Variants in TMEM242 observed in about 807,000 individuals in gnomAD.
TMEM242 encodes UPF0463 transmembrane protein C6orf35.
TMEM242 carries 10 observed loss-of-function variants against 18.2 expected under a neutral mutation model. That is an observed-to-expected ratio of 0.55 (90% confidence interval 0.34 to 0.93). The LOEUF is 0.93. Ranked by LOEUF, TMEM242 falls within the 40% of genes least tolerant of loss-of-function variation. The probability of loss-of-function intolerance (pLI) is 0.02; values close to 1 mark genes in which losing one functional copy is unlikely to be tolerated. For missense variants in TMEM242, 186 were observed against 175.5 expected (o/e 1.06, Z -0.34); for synonymous variants, 57 against 69.9 (o/e 0.81, Z 0.92).
intron 3 of TMEM242, among the ~76,000 whole-genome samples, chr6:157,303,653 T>TA (rs1554247680): frequency 6.6e-6 from 1 of 152,188 alleles, no homozygotes; most frequent in African/African-American, 2.4e-5. Flanking sequence ...GGGAAAGGGA[T>TA]AAAATGAAAG....
At chr6:157,300,285 C>T (rs1360909379) in intron 3 of TMEM242, among the ~76,000 whole-genome samples, 1 of 152,262 alleles carries the variant, frequency 6.6e-6, no homozygotes, top group Non-Finnish European at 1.5e-5. Flanking sequence ...GCCTTGCCAG[C>T]GCCTTCAACA....
At position 157,292,175 on chromosome 6, in the gene TMEM242, T is replaced by C. The variant is rs1777692864; in HGVS notation, c.*726A>G. 6.6e-6 allele frequency: 1 copy of C among 152,222 alleles called. No individual in the cohort carries two copies. The allele number at this position is 152,222 out of a possible 1,614,324, so 9.4% of individuals were successfully genotyped here. A position where few individuals can be genotyped will look rare whatever the true frequency, so the allele number is the denominator to read the frequency against. ...CTGAGACAAAATGACAAATTGTCAG[T>C]GTTCAGAGATCCAGACCAACTTCTC... On this transcript the variant is annotated 3_prime_UTR_variant, in exon 4 of 4. Transcript: ENST00000400788.
In TMEM242 at chr6:157,292,344, A is replaced by T. The variant is rs142038437; in HGVS notation, c.*557T>A. On this transcript the variant is annotated 3_prime_UTR_variant, in exon 4 of 4. Coordinates refer to ENST00000400788, the MANE Select transcript of TMEM242 (RefSeq NM_018452.6). ...CAAGGGCATCAGGTAAATAACTAGCATGTGTGTGATGGCTGTAAAGCACAG... is the reference window on the plus strand; with the variant it reads ...CAAGGGCATCAGGTAAATAACTAGCTTGTGTGTGATGGCTGTAAAGCACAG... 6.6e-6 allele frequency: 1 copy of T among 152,360 alleles called. No homozygotes were observed. The highest frequency in any genetic ancestry group is 1.9e-4 in the East Asian group (1 of 5,180). The allele number at this position is 152,360 out of a possible 1,614,324, so 9.4% of individuals were successfully genotyped here.
intron 3 of TMEM242, among the ~76,000 whole-genome samples, chr6:157,297,221 A>G (rs587749383): frequency 2.0e-5 from 3 of 152,208 alleles, no homozygotes. Context: ...ATGGCTGGTA[A>G]GAGCAAATCT....
At chr6:157,311,168 G>C (rs1397906037) in intron 3 of TMEM242, among the ~76,000 whole-genome samples, 4 of 79,486 alleles carry the variant, frequency 5.0e-5, no homozygotes, top group Admixed American at 1.3e-4. Context: ...CCCCATCATA[G>C]TGTCCGAATG....
intron 3 of TMEM242, among the ~76,000 whole-genome samples, chr6:157,309,988 A>C (rs1371485013): frequency 6.6e-6 from 1 of 152,100 alleles, no homozygotes; most frequent in Non-Finnish European, 1.5e-5. Context: ...CCTCCCCACA[A>C]ACATAGAGCA....
At chr6:157,303,578 T>C (rs1777860892) in intron 3 of TMEM242, among the ~76,000 whole-genome samples, 1 of 152,198 alleles carries the variant, frequency 6.6e-6, no homozygotes, top group Non-Finnish European at 1.5e-5. Context: ...TTTAAAGTTA[T>C]TTAAAATGTT....
intron 3 of TMEM242, chr6:157,318,422 T>C: frequency 3.7e-6 from 1 of 267,252 alleles, no homozygotes; most frequent in Admixed American, 5.3e-5. Flanking sequence ...AGGGTTTCTT[T>C]ACATTGCCCA....
chr6:157,293,847 C>T (rs1777715590), intron 3 of TMEM242, among the ~76,000 whole-genome samples: 2 of 152,038 alleles, frequency 1.3e-5, no homozygotes, highest in African/African-American at 4.8e-5. Flanking sequence ...ATCATCCCAC[C>T]TCAGCACCCC....
Position 157,292,760 on chromosome 6 carries a change from T to A in TMEM242, c.*141A>T. On this transcript the variant is annotated 3_prime_UTR_variant, in exon 4 of 4. Transcript: ENST00000400788. Reference sequence around the variant, plus strand: ...CACACATACTCTCCTGTGATGAGGCTGAATGCTATCCAGTGCACTGGTTCA... The same window carrying A: ...CACACATACTCTCCTGTGATGAGGCAGAATGCTATCCAGTGCACTGGTTCA... 1.5e-6 allele frequency: 1 copy of A among 645,490 alleles called. No individual in the cohort carries two copies. The allele number at this position is 645,490 out of a possible 1,614,324, so 40.0% of individuals were successfully genotyped here. A position where few individuals can be genotyped will look rare whatever the true frequency, so the allele number is the denominator to read the frequency against.
rs782781077 is a variant in TMEM242 at position 157,292,905 on chromosome 6, T to C, written c.422A>G (p.Lys141Arg). Residue 141 changes from lysine (K) to arginine (R), a missense_variant, in exon 4 of 4, where the codon AAA becomes AGA. Physicochemically the swap from Lys to Arg is conservative, Grantham distance 26 (BLOSUM62 2). Transcript: ENST00000400788. ...TGAAATTCATCCATGCTCATCTCAT[T>C]TGGATTTCAATGTTTCCTCCCACTC... ...AVEWEETLKS[K>R] is the part of the protein sequence containing the mutation. The C allele has an allele frequency of 1.2e-6, 2 of 1,611,350 alleles. No homozygotes were observed. The highest frequency in any genetic ancestry group is 1.7e-6 in the Non-Finnish European group (2 of 1,177,550).
intron 2 of TMEM242, among the ~76,000 whole-genome samples, chr6:157,322,283 A>G (rs1778508534): frequency 6.6e-6 from 1 of 152,136 alleles, no homozygotes; most frequent in African/African-American, 2.4e-5. Flanking sequence ...GGAGTGCCAC[A>G]CCACACCTGG....
intron 3 of TMEM242, among the ~76,000 whole-genome samples, chr6:157,317,737 T>C (rs1386016158): frequency 1.3e-5 from 2 of 152,158 alleles, no homozygotes; most frequent in East Asian, 3.8e-4. Context: ...AATACCTCCT[T>C]TTCTCACACT....
chr6:157,289,417 G>GA lies in TMEM242; in HGVS notation c.*3483dup, dbSNP rs1777654635. The GA allele has an allele frequency of 6.6e-6, 1 of 152,196 alleles. No individual in the cohort carries two copies. Among genetic ancestry groups the GA allele is most frequent in the Admixed American group, 6.5e-5 (1 of 15,300 alleles). 9.4% of individuals were successfully genotyped at this position (152,196 alleles called of 1,614,324 possible). On this transcript the variant is annotated 3_prime_UTR_variant, in exon 4 of 4. Transcript: ENST00000400788. Reference sequence around the variant, plus strand: ...CTATATCATTTAATGACTCTTGGCAGAAAGCAAAAACACTTCACTTGAACA... The same window carrying GA: ...CTATATCATTTAATGACTCTTGGCAGAAAAGCAAAAACACTTCACTTGAACA...
At chr6:157,308,228 G>T (rs587644708) in intron 3 of TMEM242, among the ~76,000 whole-genome samples, 5 of 152,134 alleles carry the variant, frequency 3.3e-5, no homozygotes, top group Non-Finnish European at 7.3e-5. Flanking sequence ...GAGGTGAATA[G>T]GTAAAAATAA....
intron 3 of TMEM242, among the ~76,000 whole-genome samples, chr6:157,317,024 T>C (rs1443632151): frequency 2.0e-5 from 3 of 152,264 alleles, no homozygotes; most frequent in Admixed American, 1.3e-4. Flanking sequence ...ATAATGTCTA[T>C]GAGGTTGTTC....
chr6:157,313,346 G>C (rs1554249716), intron 3 of TMEM242, among the ~76,000 whole-genome samples: 4 of 149,912 alleles, frequency 2.7e-5, no homozygotes, highest in Non-Finnish European at 4.4e-5. Flanking sequence ...TAGTGCCCCA[G>C]TGTGCGCTCA....
In TMEM242 at chr6:157,289,473, T is replaced by C. The variant is rs1355220092; in HGVS notation, c.*3428A>G. 1.3e-5 allele frequency: 2 copies of C among 152,240 alleles called. No individual in the cohort carries two copies. The highest frequency in any genetic ancestry group is 4.8e-5 in the African/African-American group (2 of 41,468). 9.4% of individuals were successfully genotyped at this position (152,240 alleles called of 1,614,324 possible). A position where few individuals can be genotyped will look rare whatever the true frequency, so the allele number is the denominator to read the frequency against. On this transcript the variant is annotated 3_prime_UTR_variant, in exon 4 of 4. Transcript: ENST00000400788. ...TTATAAAAATATGTATTTTACTAAC[T>C]TTCATAGGAAATTTAACTATTTGAT...
In TMEM242 at chr6:157,289,720, T is replaced by C. The variant is rs1438804240; in HGVS notation, c.*3181A>G. 6.7e-6 allele frequency: 1 copy of C among 148,592 alleles called. No homozygotes were observed. The highest frequency in any genetic ancestry group is 6.7e-5 in the Admixed American group (1 of 14,904). The allele number at this position is 148,592 out of a possible 1,614,324, so 9.2% of individuals were successfully genotyped here. Reference sequence around the variant, plus strand: ...CCCACCCCCACCTTAATTTCTTCTATTTTCCCCTTAGATTGCAATGATTAA... The same window carrying C: ...CCCACCCCCACCTTAATTTCTTCTACTTTCCCCTTAGATTGCAATGATTAA... On this transcript the variant is annotated 3_prime_UTR_variant, in exon 4 of 4. Coordinates refer to ENST00000400788, the MANE Select transcript of TMEM242 (RefSeq NM_018452.6).
Sources: gnomAD v4.1 joint callset for allele counts (sites outside exome capture counted in the v4.1 genomes callset) on GRCh38, gnomAD v4.1.1 for gene constraint, MANE v1.5 for transcripts, NCBI Gene and HGNC (gene_info 2026-07-23, HGNC 2026-07-21) for gene names.